The following NR5A1 variants were observed in gnomAD, a reference collection of about 807,000 sequenced individuals.
NR5A1 encodes the protein steroidogenic factor 1.
A neutral mutation model predicts 42.7 loss-of-function variants in NR5A1; 6 were observed. The observed-to-expected ratio is 0.14, with a 90% CI of 0.08 to 0.28. The LOEUF (loss-of-function observed/expected upper bound fraction) is 0.28. NR5A1 is among the 10% of genes least tolerant of loss of function. The pLI, the probability that NR5A1 is intolerant of heterozygous loss-of-function variation, is 1.00. For synonymous variants in NR5A1, 274 were observed against 277.5 expected (o/e 0.99, Z 0.12); for missense variants, 442 against 626.4 (o/e 0.71, Z 3.14).
At chr9:124,491,036 C>CCCCCCCCCAGG in intron 6 of NR5A1, 45 bp downstream of exon 6, 1 of 1,401,602 alleles carries the variant, frequency 7.1e-7, no homozygotes, top group Non-Finnish European at 9.6e-7. Context: ...CCCACCCACC[C>CCCCCCCCCAGG]GCCTCTGGCT....
At chr9:124,492,644 A>T (rs929846360) in intron 5 of NR5A1, among the ~76,000 whole-genome samples, 1 of 151,784 alleles carries the variant, frequency 6.6e-6, no homozygotes, top group East Asian at 1.9e-4. Flanking sequence ...CGGGGGCTCC[A>T]CACTTCCACC....
chr9:124,492,863 A>T (rs1336408045), intron 5 of NR5A1, among the ~76,000 whole-genome samples, 167 bp downstream of exon 5: 1 of 152,046 alleles, frequency 6.6e-6, no homozygotes, highest in Non-Finnish European at 1.5e-5. Flanking sequence ...CTGCTCACAG[A>T]GGGTTTGGGC....
At chr9:124,487,848 C>A (rs914664275) in intron 6 of NR5A1, among the ~76,000 whole-genome samples, 2 of 152,254 alleles carry the variant, frequency 1.3e-5, no homozygotes, top group Non-Finnish European at 2.9e-5. Flanking sequence ...TGCTCCAGCC[C>A]AGCCCCAGGT....
At position 124,490,976 on chromosome 9, in the gene NR5A1, C is replaced by T. The variant is rs925396703; in HGVS notation, c.1138+105G>A. ...GGGTCCTTTCTCCCCGAGGCTCCTT[C>T]GTGGCCACTCTGGCCACAGCAGGGC... On this transcript the variant is annotated intron_variant, in intron 6 of 6. Coordinates refer to ENST00000373588, the MANE Select transcript of NR5A1 (RefSeq NM_004959.5). 4.2e-6 allele frequency: 6 copies of T among 1,429,198 alleles called. No individual in the cohort carries two copies. The East Asian group carries it at 7.5e-5, about 18-fold the overall frequency. The allele number at this position is 1,429,198 out of a possible 1,614,324, so 88.5% of individuals were successfully genotyped here.
chr9:124,491,273 G>A, intron 5 of NR5A1, 45 bp from the exon 6 acceptor site: 2 of 1,500,260 alleles, frequency 1.3e-6, no homozygotes, highest in South Asian at 1.2e-5. Context: ...GAGGACGTGG[G>A]TCCGGGCAGG....
Position 124,500,327 on chromosome 9 carries a change from G to A in NR5A1, c.633C>T (p.Tyr211=), listed in dbSNP as rs374363746. Residue 211 remains tyrosine (Y), a synonymous_variant, in exon 4 of 7, where the codon TAC becomes TAT. Transcript: ENST00000373588. The surrounding 1 kb of genome is among the most constrained non-coding windows in gnomAD (Gnocchi z 6.9). ...YASPPQPGLP[Y]GYPEPFSGGP... is the part of the protein sequence containing the mutation. The stretch of plus-strand genomic sequence containing the variant: ...CTCCAGAGAAGGGCTCTGGGTAGCC[G>A]TACGGCAGCCCAGGCTGTGGGGGGC... 493 of 1,558,300 alleles carry A rather than the reference G, an allele frequency of 3.2e-4. 4 individuals carry two copies. The African/African-American group carries it at 5.4e-3, about 17-fold the overall frequency.
intron 6 of NR5A1, 54 bp downstream of exon 6, chr9:124,491,027 C>G: frequency 1.1e-6 from 1 of 923,304 alleles, no homozygotes; most frequent in Non-Finnish European, 1.6e-6. Flanking sequence ...ACCCACCCTC[C>G]CACCCACCCG....
At chr9:124,491,015 T>TCGGGCCCG in intron 6 of NR5A1, 66 bp downstream of exon 6, 1 of 634,816 alleles carries the variant, frequency 1.6e-6, no homozygotes, top group Non-Finnish European at 2.8e-6. Context: ...CTCTCCAGCC[T>TCGGGCCCG]CACCCACCCT....
At chr9:124,487,290 G>A (rs1311755336) in intron 6 of NR5A1, among the ~76,000 whole-genome samples, 1 of 152,258 alleles carries the variant, frequency 6.6e-6, no homozygotes, top group African/African-American at 2.4e-5. Context: ...AGGCGCCCCC[G>A]CGCACAATGG....
At chr9:124,488,571 A>G (rs1832257457) in intron 6 of NR5A1, among the ~76,000 whole-genome samples, 1 of 152,212 alleles carries the variant, frequency 6.6e-6, no homozygotes, top group Non-Finnish European at 1.5e-5. Context: ...GCATATGCAC[A>G]TTAACTTAAT....
At chr9:124,487,037 G>C (rs1392028111) in intron 6 of NR5A1, among the ~76,000 whole-genome samples, 2 of 152,232 alleles carry the variant, frequency 1.3e-5, no homozygotes, top group South Asian at 4.1e-4. Flanking sequence ...GTTGGAGACC[G>C]GCATGTTGGA....
intron 6 of NR5A1, among the ~76,000 whole-genome samples, chr9:124,485,617 A>G (rs1476320725): frequency 2.6e-5 from 4 of 152,224 alleles, no homozygotes; most frequent in Admixed American, 6.5e-5. Flanking sequence ...ACTAACCCTG[A>G]AGGCACCTTT....
At chr9:124,485,776 A>G (rs1832198857) in intron 6 of NR5A1, among the ~76,000 whole-genome samples, 1 of 152,166 alleles carries the variant, frequency 6.6e-6, no homozygotes, top group African/African-American at 2.4e-5. Flanking sequence ...CCCCAGACAT[A>G]TTCAAAGGTC....
intron 6 of NR5A1, among the ~76,000 whole-genome samples, chr9:124,490,357 A>T: frequency 6.6e-6 from 1 of 152,092 alleles, no homozygotes. Context: ...GGCATTTGTG[A>T]TGGCTTTCCA....
intron 4 of NR5A1, among the ~76,000 whole-genome samples, chr9:124,493,600 T>C (rs1169395775): frequency 6.6e-6 from 1 of 152,208 alleles, no homozygotes; most frequent in Non-Finnish European, 1.5e-5. Context: ...CTGTGGTCGG[T>C]CACACCTCTG....
chr9:124,497,385 A>G (rs1397330001), intron 4 of NR5A1, among the ~76,000 whole-genome samples: 1 of 152,118 alleles, frequency 6.6e-6, no homozygotes, highest in South Asian at 2.1e-4. Flanking sequence ...CTGTGCTACT[A>G]TCGAATCTAC....
At chr9:124,483,715 C>T (rs1832165225) in intron 6 of NR5A1, among the ~76,000 whole-genome samples, 1 of 152,232 alleles carries the variant, frequency 6.6e-6, no homozygotes. Context: ...GCCACCATCA[C>T]CACTGTCACC....
chr9:124,491,695 G>A (rs1199302891), intron 5 of NR5A1, among the ~76,000 whole-genome samples: 4 of 149,012 alleles, frequency 2.7e-5, no homozygotes, highest in Admixed American at 2.0e-4. Flanking sequence ...ACACACACAC[G>A]AGCACAGTCA....
chr9:124,491,017 A>AGG, intron 6 of NR5A1, 64 bp downstream of exon 6: 9 of 457,438 alleles, frequency 2.0e-5, no homozygotes, highest in Non-Finnish European at 3.8e-5. Flanking sequence ...CTCCAGCCTC[A>AGG]CCCACCCTCC....
Sources: allele counts gnomAD v4.1 joint callset (sites outside exome capture counted in the v4.1 genomes callset), GRCh38; gene constraint gnomAD v4.1.1; non-coding constraint Gnocchi (gnomAD v3.1); transcripts MANE v1.5; gene names NCBI Gene and HGNC (gene_info 2026-07-23, HGNC 2026-07-21).